Variants in DLGAP2 observed in about 807,000 individuals in gnomAD.
DLGAP2 encodes the protein disks large-associated protein 2.
DLGAP2 carries 26 observed loss-of-function variants against 100.3 expected under a neutral mutation model. The observed-to-expected ratio is 0.26, with a 90% CI of 0.19 to 0.36. The LOEUF (loss-of-function observed/expected upper bound fraction) is 0.36, where lower values mean the gene tolerates loss of function less well. Among genes scored for constraint, DLGAP2 ranks in the 10% least tolerant of loss-of-function variants. The probability of loss-of-function intolerance (pLI) is 1.00; values close to 1 mark genes in which losing one functional copy is unlikely to be tolerated. For synonymous variants in DLGAP2, 886 were observed against 630.1 expected (o/e 1.41, Z -6.08); for missense variants, 1,858 against 1,453.2 (o/e 1.28, Z -4.53).
chr8:1,588,597 C>G (rs1162121201), intron 6 of DLGAP2, among the ~76,000 whole-genome samples: 1 of 152,048 alleles, frequency 6.6e-6, no homozygotes, highest in Non-Finnish European at 1.5e-5. Flanking sequence ...TGTGTACAGA[C>G]TGTTAAAACA....
chr8:1,030,135 C>T (rs530813706), intron 2 of DLGAP2, among the ~76,000 whole-genome samples: 116 of 152,316 alleles, frequency 7.6e-4, no homozygotes, highest in Middle Eastern at 3.4e-3. Flanking sequence ...ATGGTTAAGG[C>T]CCTAGTTCCT....
intron 1 of DLGAP2, among the ~76,000 whole-genome samples, chr8:842,959 C>T (rs553258078): frequency 6.6e-6 from 1 of 152,276 alleles, no homozygotes; most frequent in South Asian, 2.1e-4. Context: ...TTACAGCAGC[C>T]GGTGGTAGTT....
chr8:818,756 A>G (rs1264908486), intron 1 of DLGAP2, among the ~76,000 whole-genome samples: 2 of 152,242 alleles, frequency 1.3e-5, no homozygotes, highest in East Asian at 1.9e-4. Flanking sequence ...ATTCAAGAGT[A>G]TACAGTTAGT....
intron 2 of DLGAP2, among the ~76,000 whole-genome samples, chr8:1,244,254 G>A (rs947796826): frequency 3.3e-5 from 5 of 152,192 alleles, no homozygotes; most frequent in African/African-American, 1.2e-4. Context: ...CCTAGTGCCC[G>A]GCATAGACTC....
chr8:1,334,647 A>G (rs1801230813), intron 3 of DLGAP2, among the ~76,000 whole-genome samples: 2 of 152,010 alleles, frequency 1.3e-5, no homozygotes, highest in East Asian at 1.9e-4. Context: ...CTCCGGTGGG[A>G]TGACCAGTGT....
rs558138897 is a variant in DLGAP2, at chr8:1,310,413, C to G, written c.106+51530C>G. ...GAATTGGAGAAAGTAAGGGGTAGCTCTAATCATAGCTGGAGGCTGGAATGA... is the reference window on the plus strand; with the variant it reads ...GAATTGGAGAAAGTAAGGGGTAGCTGTAATCATAGCTGGAGGCTGGAATGA... On this transcript the variant is annotated intron_variant, in intron 3 of 14. Transcript: ENST00000637795. Among the ~76,000 whole-genome samples the G allele has an allele frequency of 7.9e-5, 12 of 152,248 alleles. No individual in the cohort carries two copies. The South Asian group carries it at 2.3e-3, about 29-fold the overall frequency.
At chr8:1,174,645 C>T (rs73184519) in intron 2 of DLGAP2, among the ~76,000 whole-genome samples, 25,404 of 151,614 alleles carry the variant, frequency 0.17, 2,277 homozygotes, top group Middle Eastern at 0.34. Flanking sequence ...TCATCATCGT[C>T]GTCTTTACCA....
intron 2 of DLGAP2, among the ~76,000 whole-genome samples, chr8:1,218,485 TTC>T (rs1343785500): frequency 7.1e-6 from 1 of 140,124 alleles, no homozygotes; most frequent in African/African-American, 3.1e-5. Context: ...TGTTGTTTTA[TTC>T]TGTTTAGTTT....
chr8:1,428,892 T>A (rs1187184633), intron 3 of DLGAP2, among the ~76,000 whole-genome samples: 2 of 152,234 alleles, frequency 1.3e-5, no homozygotes, highest in Non-Finnish European at 2.9e-5. Context: ...GCACAGGACG[T>A]CGTCTCATGC....
At chr8:823,976 C>T (rs895874773) in intron 1 of DLGAP2, among the ~76,000 whole-genome samples, 2 of 152,158 alleles carry the variant, frequency 1.3e-5, no homozygotes, top group African/African-American at 4.8e-5. Context: ...GTTGCAATCA[C>T]ATTTGTCACG....
intron 2 of DLGAP2, among the ~76,000 whole-genome samples, chr8:945,297 A>G (rs1212527022): frequency 2.6e-5 from 4 of 152,098 alleles, no homozygotes; most frequent in Non-Finnish European, 1.5e-5. Context: ...GAGTGGATCT[A>G]TGCATCTCTC....
intron 3 of DLGAP2, among the ~76,000 whole-genome samples, chr8:1,284,630 A>T (rs1448133113): frequency 6.6e-6 from 1 of 151,972 alleles, no homozygotes; most frequent in East Asian, 1.9e-4. Flanking sequence ...TTTATTCTTT[A>T]TTATTATTGT....
intron 3 of DLGAP2, chr8:1,300,079 G>A (rs1483204209): frequency 1.3e-5 from 2 of 152,108 alleles, no homozygotes; most frequent in Admixed American, 6.6e-5. Context: ...CATTACCTCA[G>A]TTTACCTTCA....
intron 1 of DLGAP2, among the ~76,000 whole-genome samples, chr8:861,268 A>G (rs957921105): frequency 1.3e-5 from 2 of 152,236 alleles, no homozygotes; most frequent in African/African-American, 4.8e-5. Flanking sequence ...GGAGCTGCGT[A>G]TCTGGGAGCT....
chr8:956,285 C>G (rs1050466228), intron 2 of DLGAP2, among the ~76,000 whole-genome samples: 1 of 152,194 alleles, frequency 6.6e-6, no homozygotes, highest in Non-Finnish European at 1.5e-5. Context: ...TTGTGCTCCC[C>G]AGGAGCTCAA....
chr8:1,130,916 C>A lies in DLGAP2; in HGVS notation c.74-127935C>A, dbSNP rs181250437. The stretch of plus-strand genomic sequence containing the variant: ...AGCGGCTGGGCTGAGAGACCGGAGA[C>A]GGGCCTCCCTGATGAGGGGAAGGGT... On this transcript the variant is annotated intron_variant, in intron 2 of 14. Coordinates refer to ENST00000637795, the MANE Select transcript of DLGAP2 (RefSeq NM_001346810.2). 6.3e-3 allele frequency among the ~76,000 whole-genome samples: 955 copies of A among 151,268 alleles called. 7 individuals are homozygous for A. Among genetic ancestry groups the A allele is most frequent in the Non-Finnish European group, 9.6e-3 (650 of 67,784 alleles).
At chr8:982,637 T>A (rs1334889873) in intron 2 of DLGAP2, among the ~76,000 whole-genome samples, 1 of 152,184 alleles carries the variant, frequency 6.6e-6, no homozygotes, top group Non-Finnish European at 1.5e-5. Flanking sequence ...TAAAATAAAA[T>A]TCTTGCAAGA....
intron 4 of DLGAP2, among the ~76,000 whole-genome samples, chr8:1,504,573 A>G (rs1393550844): frequency 6.6e-6 from 1 of 152,124 alleles, no homozygotes; most frequent in Non-Finnish European, 1.5e-5. Flanking sequence ...CTCTCTGTTG[A>G]CCACTGTTCT....
At position 1,110,257 on chromosome 8, in the gene DLGAP2, G is replaced by A. The variant is rs181556181; in HGVS notation, c.74-148594G>A. Among the ~76,000 whole-genome samples, 112 of 143,212 alleles carry A rather than the reference G, an allele frequency of 7.8e-4. 1 individual carries two copies. The highest frequency in any genetic ancestry group is 2.7e-3 in the African/African-American group (102 of 37,978). 94.0% of individuals were successfully genotyped at this position (143,212 alleles called of 152,430 possible). A position where few individuals can be genotyped will look rare whatever the true frequency, so the allele number is the denominator to read the frequency against. On this transcript the variant is annotated intron_variant, in intron 2 of 14. Coordinates refer to ENST00000637795, the MANE Select transcript of DLGAP2 (RefSeq NM_001346810.2). ...TGTGCTGGATCTGTGAGGTGTGCAC[G>A]GGTCTGTGACATGTGCTGGATCTGT...
Sources: allele counts gnomAD v4.1 joint callset (sites outside exome capture counted in the v4.1 genomes callset), GRCh38; gene constraint gnomAD v4.1.1; transcripts MANE v1.5; gene names NCBI Gene and HGNC (gene_info 2026-07-23, HGNC 2026-07-21).